CCDC88A: variants seen among roughly 807,000 people sequenced by gnomAD.
The protein encoded by CCDC88A is coiled-coil and HOOK domain protein 88A.
In CCDC88A, 54 loss-of-function variants were observed where a neutral mutation model predicts 234.3. The ratio of observed to expected loss-of-function variants is 0.23; its 90% CI spans 0.19 to 0.29. The LOEUF (loss-of-function observed/expected upper bound fraction) is 0.29. Among genes scored for constraint, CCDC88A ranks in the 10% least tolerant of loss-of-function variants. CCDC88A has a pLI of 1.00. For synonymous variants in CCDC88A, 753 were observed against 737.8 expected (o/e 1.02, Z -0.33); for missense variants, 1,832 against 2,123.4 (o/e 0.86, Z 2.70).
At chr2:55,369,649 C>T (rs1351037098) in intron 5 of CCDC88A, among the ~76,000 whole-genome samples, 3 of 151,828 alleles carry the variant, frequency 2.0e-5, no homozygotes, top group Non-Finnish European at 2.9e-5. Flanking sequence ...GCAGAGACAA[C>T]GTTTTACCAT....
Position 55,322,660 on chromosome 2 carries a change from T to A in CCDC88A, c.3030A>T (p.Arg1010Ser). The part of the protein sequence containing the change: ...VKKNYEALKQ[R>S]QDEERMVQSS... ...TCTGTACCATCCTTTCCTCATCTTG[T>A]CTCTGTTTGAGAGCTTCATAATTTT... Residue 1010 changes from arginine (R) to serine (S), a missense_variant, in exon 18 of 33, where the codon AGA becomes AGT. Physicochemically the swap from Arg to Ser is moderately radical, Grantham distance 110 (BLOSUM62 -1). This residue lies in a region of CCDC88A where 1,282 missense variants were observed against 1,543.6 expected (regional missense o/e 0.83). Coordinates refer to ENST00000436346, the MANE Select transcript of CCDC88A (RefSeq NM_001365480.1). The A allele has an allele frequency of 6.4e-7, 1 of 1,567,050 alleles. No homozygotes were observed.
chr2:55,374,971 T>C (rs1367507727), intron 3 of CCDC88A, 88 bp from the exon 4 acceptor site: 6 of 784,054 alleles, frequency 7.7e-6, no homozygotes, highest in Non-Finnish European at 1.1e-5. Flanking sequence ...TGTACATTCT[T>C]CTGTAGGTGT....
At position 55,317,123 on chromosome 2, in the gene CCDC88A, T is replaced by G. The variant is rs1683084554; in HGVS notation, c.3746+83A>C. The G allele has an allele frequency of 3.9e-6, 2 of 512,570 alleles. No individual in the cohort carries two copies. Among genetic ancestry groups the G allele is most frequent in the Non-Finnish European group, 2.9e-6 (1 of 339,456 alleles). 31.8% of individuals were successfully genotyped at this position (512,570 alleles called of 1,614,324 possible). A position where few individuals can be genotyped will look rare whatever the true frequency, so the allele number is the denominator to read the frequency against. On this transcript the variant is annotated intron_variant, in intron 21 of 32. Transcript: ENST00000436346. The surrounding 1 kb of genome is among the most constrained non-coding windows in gnomAD (Gnocchi z 4.2). The stretch of plus-strand genomic sequence containing the variant: ...TTTGGATGTAAGAAATAATACATAA[T>G]TTTGAAAAAACATATATATACACAT...
chr2:55,417,306 C>T (rs1234798761), intron 2 of CCDC88A: 1 of 151,888 alleles, frequency 6.6e-6, no homozygotes, highest in Non-Finnish European at 1.5e-5. Flanking sequence ...CACACAAATT[C>T]AAAATCTTCC....
chr2:55,344,586 A>G, intron 10 of CCDC88A, 72 bp from the exon 11 acceptor site: 1 of 867,656 alleles, frequency 1.2e-6, no homozygotes, highest in South Asian at 2.5e-5. Flanking sequence ...AGATTATCAT[A>G]AAACATTAAG....
At chr2:55,398,413 G>A (rs1391847674) in intron 2 of CCDC88A, among the ~76,000 whole-genome samples, 1 of 152,088 alleles carries the variant, frequency 6.6e-6, no homozygotes, top group East Asian at 1.9e-4. Context: ...TTAGAGCCCA[G>A]GATAACCATT....
chr2:55,389,886 C>A (rs972048563), intron 2 of CCDC88A, among the ~76,000 whole-genome samples: 1 of 151,308 alleles, frequency 6.6e-6, no homozygotes, highest in Admixed American at 6.6e-5. Context: ...ATTAAAAATA[C>A]AAAAATTAGC....
chr2:55,323,085 T>C (rs1034055048), intron 17 of CCDC88A: 1 of 153,310 alleles, frequency 6.5e-6, no homozygotes, highest in African/African-American at 2.4e-5. Context: ...ATATATCGTA[T>C]TCAGGATTTT....
At position 55,303,073 on chromosome 2, in the gene CCDC88A, G is replaced by T; in HGVS notation, c.4467C>A (p.Ser1489=). 1 of 1,547,090 alleles carries T rather than the reference G, an allele frequency of 6.5e-7. No individual in the cohort carries two copies. The highest frequency in any genetic ancestry group is 8.8e-7 in the Non-Finnish European group (1 of 1,142,620). The stretch of plus-strand genomic sequence containing the variant: ...TGAACTGTCATAAAGTCTTACACAT[G>T]GAACGACGGTAGCAGGCCTTCATTT... The part of the protein sequence containing the change: ...KDKMKACYRR[S]MSMNDLVQSM... Residue 1489 remains serine, a synonymous_variant, in exon 26 of 33, where the codon TCC becomes TCA. Transcript: ENST00000436346.
chr2:55,356,382 C>T (rs1430350259), intron 7 of CCDC88A: 1 of 151,924 alleles, frequency 6.6e-6, no homozygotes, highest in East Asian at 1.9e-4. Context: ...AACACAGTTT[C>T]TTTATCCAAT....
chr2:55,418,677 C>A (rs951184718), intron 2 of CCDC88A, 139 bp downstream of exon 2: 2 of 662,684 alleles, frequency 3.0e-6, no homozygotes, highest in Non-Finnish European at 5.4e-6. Context: ...ATTAGCATTC[C>A]TTTCAAGATC....
intron 5 of CCDC88A, among the ~76,000 whole-genome samples, chr2:55,370,888 C>T (rs1383360326): frequency 5.9e-5 from 9 of 151,448 alleles, no homozygotes; most frequent in African/African-American, 2.2e-4. Flanking sequence ...GGCACATGCC[C>T]GTAGTTCCAG....
In CCDC88A at chr2:55,287,991, T is replaced by A. The variant is rs535668228; in HGVS notation, c.*3209A>T. The A allele has an allele frequency of 1.3e-5, 2 of 152,780 alleles. No individual in the cohort carries two copies. Among genetic ancestry groups the A allele is most frequent in the African/African-American group, 2.4e-5 (1 of 41,596 alleles). The allele number at this position is 152,780 out of a possible 1,614,324, so 9.5% of individuals were successfully genotyped here. On this transcript the variant is annotated 3_prime_UTR_variant, in exon 33 of 33. Coordinates refer to ENST00000436346, the MANE Select transcript of CCDC88A (RefSeq NM_001365480.1). ...TATCTCTTGTCATGAGTTGGATGCC[T>A]GTGACTGACATCAGGTATTGCCAAG...
intron 2 of CCDC88A, among the ~76,000 whole-genome samples, chr2:55,402,587 A>G (rs1296913336): frequency 6.6e-6 from 1 of 152,150 alleles, no homozygotes; most frequent in East Asian, 1.9e-4. Flanking sequence ...TCTATCTGGC[A>G]CGTTCAATGG....
chr2:55,312,842 GCTTT>G (rs1425055896), intron 22 of CCDC88A: 8 of 247,618 alleles, frequency 3.2e-5, no homozygotes, highest in East Asian at 7.7e-5. Flanking sequence ...CCCAAACACT[GCTTT>G]CTGTCTTTAA....
intron 2 of CCDC88A, chr2:55,394,065 CCTT>C (rs1677120729): frequency 6.6e-6 from 1 of 152,116 alleles, no homozygotes; most frequent in African/African-American, 2.4e-5. Context: ...CTCAAAAAAT[CCTT>C]CTCAGTCTCT....
At chr2:55,397,742 A>G (rs1276863561) in intron 2 of CCDC88A, among the ~76,000 whole-genome samples, 1 of 152,128 alleles carries the variant, frequency 6.6e-6, no homozygotes, top group African/African-American at 2.4e-5. Context: ...TATTCCTCAC[A>G]TGATATCTTG....
intron 15 of CCDC88A, among the ~76,000 whole-genome samples, chr2:55,333,766 T>C (rs779006128): frequency 5.9e-5 from 9 of 152,114 alleles, no homozygotes; most frequent in Non-Finnish European, 1.3e-4. Flanking sequence ...CAATAAATAG[T>C]AGCTATCATG....
At chr2:55,391,789 T>G (rs899122705) in intron 2 of CCDC88A, among the ~76,000 whole-genome samples, 1 of 152,194 alleles carries the variant, frequency 6.6e-6, no homozygotes, top group Non-Finnish European at 1.5e-5. Context: ...GGGGCAATAT[T>G]AAACACATAT....
Sources: allele counts gnomAD v4.1 joint callset (sites outside exome capture counted in the v4.1 genomes callset), GRCh38; gene constraint gnomAD v4.1.1; regional missense constraint gnomAD v4.1.1; non-coding constraint Gnocchi (gnomAD v3.1); transcripts MANE v1.5; gene names NCBI Gene and HGNC (gene_info 2026-07-23, HGNC 2026-07-21).